The following EPHA5 variants were observed in gnomAD, a reference collection of about 807,000 sequenced individuals.
The protein encoded by EPHA5 is EPH receptor A5.
In EPHA5, 60 loss-of-function variants were observed where a neutral mutation model predicts 105.0. That is an observed-to-expected ratio of 0.57 (90% CI 0.46 to 0.71). The LOEUF (loss-of-function observed/expected upper bound fraction) is 0.71, where lower values mean the gene tolerates loss of function less well. EPHA5 is among the 30% of genes least tolerant of loss of function. The pLI is 0.00. For synonymous variants in EPHA5, 513 were observed against 449.1 expected, an observed-to-expected ratio of 1.14 and a Z score of -1.80; for missense variants, 1,218 against 1,274.7, an observed-to-expected ratio of 0.96 and a Z score of 0.68.
chr4:65,470,870 C>A (rs1209202342), intron 5 of EPHA5, among the ~76,000 whole-genome samples: 1 of 152,138 alleles, frequency 6.6e-6, no homozygotes, highest in Admixed American at 6.6e-5. Context: ...TGAACTGTAA[C>A]CTAACTTAAT....
intron 1 of EPHA5, among the ~76,000 whole-genome samples, chr4:65,648,500 G>A: frequency 6.6e-6 from 1 of 152,148 alleles, no homozygotes; most frequent in East Asian, 1.9e-4. Context: ...CATGAAGATA[G>A]ACAATTAGAA....
At chr4:65,531,532 C>G (rs916798996) in intron 3 of EPHA5, among the ~76,000 whole-genome samples, 2 of 145,680 alleles carry the variant, frequency 1.4e-5, no homozygotes, top group Non-Finnish European at 3.1e-5. Flanking sequence ...TGCAGAATGA[C>G]CATGATCCAG....
chr4:65,654,764 A>C (rs867911074), intron 1 of EPHA5, among the ~76,000 whole-genome samples: 106 of 147,174 alleles, frequency 7.2e-4, no homozygotes, highest in African/African-American at 2.5e-3. Context: ...CTAAATTATA[A>C]TGTCTAATTT....
intron 1 of EPHA5, among the ~76,000 whole-genome samples, chr4:65,663,131 T>C (rs1044447088): frequency 6.6e-6 from 1 of 152,104 alleles, no homozygotes; most frequent in Non-Finnish European, 1.5e-5. Context: ...ACAGAAAAGT[T>C]TAATTATGAA....
At chr4:65,390,277 T>A (rs1350206898) in intron 8 of EPHA5, among the ~76,000 whole-genome samples, 1 of 151,974 alleles carries the variant, frequency 6.6e-6, no homozygotes, top group East Asian at 1.9e-4. Context: ...CCTGCCTTGA[T>A]AACCCCAGGC....
intron 3 of EPHA5, among the ~76,000 whole-genome samples, chr4:65,506,638 T>C (rs558460294): frequency 1.5e-5 from 2 of 133,808 alleles, no homozygotes; most frequent in East Asian, 2.3e-4. Flanking sequence ...TTTGGCTGCA[T>C]AAATGTCTTC....
intron 5 of EPHA5, among the ~76,000 whole-genome samples, chr4:65,427,461 G>A (rs1241485178): frequency 1.3e-5 from 2 of 152,110 alleles, no homozygotes; most frequent in Admixed American, 6.6e-5. Context: ...GATTATAGGC[G>A]TGAGTCACCG....
intron 8 of EPHA5, 43 bp from the exon 9 acceptor site, chr4:65,367,467 G>A (rs2148896820): frequency 2.5e-6 from 4 of 1,572,856 alleles, no homozygotes; most frequent in Non-Finnish European, 3.5e-6. Flanking sequence ...TGAAAGTGGT[G>A]AATCAGTCAC....
chr4:65,338,568 G>T (rs1172114248), intron 14 of EPHA5, among the ~76,000 whole-genome samples: 2 of 151,542 alleles, frequency 1.3e-5, no homozygotes, highest in African/African-American at 4.9e-5. Flanking sequence ...GATATTTCTA[G>T]AATTTATTTC....
chr4:65,533,013 TCTTC>T (rs1735965644), intron 3 of EPHA5, among the ~76,000 whole-genome samples: 1 of 152,154 alleles, frequency 6.6e-6, no homozygotes, highest in Non-Finnish European at 1.5e-5. Context: ...GCATTTTGAC[TCTTC>T]CTTGTCTGTG....
At chr4:65,667,130 A>G (rs767287400) in intron 1 of EPHA5, among the ~76,000 whole-genome samples, 9 of 152,132 alleles carry the variant, frequency 5.9e-5, no homozygotes, top group Non-Finnish European at 1.2e-4. Flanking sequence ...CCAGAAGCAA[A>G]CAAACAAATT....
chr4:65,525,404 A>T (rs1367840671), intron 3 of EPHA5, among the ~76,000 whole-genome samples: 1 of 151,862 alleles, frequency 6.6e-6, no homozygotes, highest in East Asian at 1.9e-4. Context: ...AATCTAATAT[A>T]TAGCCTTTTA....
intron 5 of EPHA5, among the ~76,000 whole-genome samples, chr4:65,420,858 C>T (rs1225951214): frequency 6.6e-6 from 1 of 151,608 alleles, no homozygotes; most frequent in Non-Finnish European, 1.5e-5. Flanking sequence ...AAAGATATTC[C>T]TGATTATTTT....
intron 1 of EPHA5, among the ~76,000 whole-genome samples, chr4:65,645,806 G>A (rs577257299): frequency 2.6e-4 from 39 of 152,080 alleles, no homozygotes; most frequent in African/African-American, 9.4e-4. Flanking sequence ...TTCGTATATA[G>A]ACTAGGAAAT....
chr4:65,368,800 T>G (rs183333692), intron 8 of EPHA5, among the ~76,000 whole-genome samples: 1 of 152,308 alleles, frequency 6.6e-6, no homozygotes, highest in Admixed American at 6.5e-5. Context: ...CATCTTCACA[T>G]GTACTAAATT....
chr4:65,622,823 A>T (rs1745822894), intron 2 of EPHA5, among the ~76,000 whole-genome samples: 1 of 152,042 alleles, frequency 6.6e-6, no homozygotes, highest in Admixed American at 6.6e-5. Flanking sequence ...CTTAGAAGGG[A>T]CTTGGTCTGG....
At chr4:65,349,704 T>C (rs1185636167) in intron 13 of EPHA5, among the ~76,000 whole-genome samples, 2 of 152,172 alleles carry the variant, frequency 1.3e-5, no homozygotes, top group African/African-American at 4.8e-5. Flanking sequence ...ATTTGCTCTT[T>C]AGATATATGG....
At chr4:65,666,847 T>A (rs942869915) in intron 1 of EPHA5, among the ~76,000 whole-genome samples, 1 of 152,190 alleles carries the variant, frequency 6.6e-6, no homozygotes, top group Admixed American at 6.5e-5. Flanking sequence ...CTTTTTCTAT[T>A]CAATTCTGCT....
intron 2 of EPHA5, among the ~76,000 whole-genome samples, chr4:65,624,187 G>T (rs535979975): frequency 2.9e-3 from 437 of 152,024 alleles, no homozygotes; most frequent in Non-Finnish European, 4.7e-3. Flanking sequence ...TGATAATAAA[G>T]GTAATAGTAA....
Sources: allele counts gnomAD v4.1 joint callset (sites outside exome capture counted in the v4.1 genomes callset), GRCh38; gene constraint gnomAD v4.1.1; transcripts MANE v1.5; gene names NCBI Gene and HGNC (gene_info 2026-07-23, HGNC 2026-07-21).